The following LARP4B variants were observed in gnomAD, a reference collection of about 807,000 sequenced individuals.
LARP4B encodes la-related protein 4B.
In LARP4B, 12 loss-of-function variants were observed where a neutral mutation model predicts 89.8. The observed-to-expected ratio is 0.13, with a 90% CI of 0.09 to 0.22. LARP4B has a LOEUF of 0.22. LARP4B is among the 10% of genes least tolerant of loss of function. The probability of loss-of-function intolerance (pLI) is 1.00; values close to 1 mark genes in which losing one functional copy is unlikely to be tolerated. For synonymous variants in LARP4B, 367 were observed against 363.3 expected (o/e 1.01, Z -0.12); for missense variants, 757 against 947.7 (o/e 0.80, Z 2.64).
intron 1 of LARP4B, among the ~76,000 whole-genome samples, chr10:917,210 CAT>C (rs1008174608): frequency 2.6e-5 from 4 of 152,156 alleles, no homozygotes; most frequent in African/African-American, 9.6e-5. Context: ...TGATTCTTTT[CAT>C]GTTTTGTTTT....
the LARP4B span, among the ~76,000 whole-genome samples, chr10:962,374 T>C: frequency 6.6e-6 from 1 of 152,052 alleles, no homozygotes; most frequent in Non-Finnish European, 1.5e-5. Flanking sequence ...TTTAACCTTA[T>C]TACCCTCATA....
intron 11 of LARP4B, among the ~76,000 whole-genome samples, chr10:828,461 G>C (rs114160405): frequency 2.1e-3 from 320 of 152,236 alleles, no homozygotes; most frequent in African/African-American, 7.5e-3. Flanking sequence ...GTTTTCTCAA[G>C]TTCTCTCTGC....
chr10:890,388 T>C (rs1835979076), intron 1 of LARP4B, among the ~76,000 whole-genome samples: 1 of 152,236 alleles, frequency 6.6e-6, no homozygotes, highest in Admixed American at 6.5e-5. Flanking sequence ...AAATACGGGA[T>C]GTATGACAAA....
the LARP4B span, chr10:988,302 ACCT>A: frequency 1.6e-6 from 1 of 606,942 alleles, no homozygotes; most frequent in Non-Finnish European, 3.0e-6. Context: ...TCCGTGGCTG[ACCT>A]CCAAGCCGGG....
At chr10:956,391 G>A in the LARP4B span, among the ~76,000 whole-genome samples, 1 of 151,786 alleles carries the variant, frequency 6.6e-6, no homozygotes, top group Non-Finnish European at 1.5e-5. This position sits in a 1 kb window ranked among gnomAD's most constrained non-coding sequence, Gnocchi z 4.3. Context: ...TGTCCCCCAG[G>A]CTGGAGTGCA....
In LARP4B at chr10:919,539, C is replaced by T. The variant is rs536776394; in HGVS notation, c.-40+11889G>A. Among the ~76,000 whole-genome samples, 16 of 152,174 alleles carry T rather than the reference C, an allele frequency of 1.1e-4. No homozygotes were observed. The South Asian group carries it at 3.3e-3, about 32-fold the overall frequency. ...GCTTTCAATCCTCTGAATTACAAGT[C>T]CAATACATTGTTGAGGGTGGGAGTT... On this transcript the variant is annotated intron_variant, in intron 1 of 17. Coordinates refer to ENST00000316157, the MANE Select transcript of LARP4B (RefSeq NM_015155.3).
chr10:838,739 G>T (rs967775195), intron 7 of LARP4B, among the ~76,000 whole-genome samples: 4 of 152,184 alleles, frequency 2.6e-5, no homozygotes, highest in Non-Finnish European at 5.9e-5. Context: ...CTTAGCATAT[G>T]ATCTGGCAAT....
At chr10:903,760 A>G (rs962779616) in intron 1 of LARP4B, among the ~76,000 whole-genome samples, 1 of 152,212 alleles carries the variant, frequency 6.6e-6, no homozygotes, top group African/African-American at 2.4e-5. Flanking sequence ...CCAATTCATC[A>G]TCACAAAACT....
At chr10:913,112 C>T (rs185323514) in intron 1 of LARP4B, among the ~76,000 whole-genome samples, 1 of 152,106 alleles carries the variant, frequency 6.6e-6, no homozygotes, top group Middle Eastern at 3.4e-3. Context: ...AGTTCTCTGC[C>T]TTTGGGATGT....
the LARP4B span, among the ~76,000 whole-genome samples, chr10:974,124 A>G: frequency 2.0e-5 from 3 of 151,758 alleles, no homozygotes; most frequent in African/African-American, 7.3e-5. Flanking sequence ...CAAACATCAC[A>G]CCTTTTGTGC....
intron 13 of LARP4B, 172 bp from the exon 14 acceptor site, chr10:821,017 G>A: frequency 1.6e-6 from 1 of 614,016 alleles, no homozygotes; most frequent in Non-Finnish European, 2.8e-6. Flanking sequence ...AGCGTAAGCA[G>A]AACAACACAA....
rs148090139 is a variant in LARP4B at position 811,347 on chromosome 10, G to A, written c.*1579C>T. On this transcript the variant is annotated 3_prime_UTR_variant, in exon 18 of 18. Transcript: ENST00000316157. ...TCTGATTATTTACAACTGTACAAGCGAAGCACACTCCAAGTGCACGTATTT... is the reference window on the plus strand; with the variant it reads ...TCTGATTATTTACAACTGTACAAGCAAAGCACACTCCAAGTGCACGTATTT... 30 of 152,684 alleles carry A rather than the reference G, an allele frequency of 2.0e-4. No individual in the cohort carries two copies. Among genetic ancestry groups the A allele is most frequent in the African/African-American group, 5.8e-4 (24 of 41,540 alleles). 9.5% of individuals were successfully genotyped at this position (152,684 alleles called of 1,614,324 possible). A position where few individuals can be genotyped will look rare whatever the true frequency, so the allele number is the denominator to read the frequency against.
intron 4 of LARP4B, 37 bp downstream of exon 4, chr10:864,086 A>C (rs1228986511): frequency 1.2e-6 from 2 of 1,612,370 alleles, no homozygotes; most frequent in Admixed American, 1.7e-5. Flanking sequence ...CAGGCCTGAA[A>C]GCAGGGGGCT....
chr10:828,584 G>A (rs1300244728), intron 11 of LARP4B, among the ~76,000 whole-genome samples: 1 of 152,210 alleles, frequency 6.6e-6, no homozygotes, highest in Non-Finnish European at 1.5e-5. Flanking sequence ...TTAGTCCACA[G>A]CGAAACCCTG....
chr10:842,370 T>C (rs976198495), intron 7 of LARP4B, among the ~76,000 whole-genome samples: 6 of 152,074 alleles, frequency 3.9e-5, no homozygotes, highest in African/African-American at 1.4e-4. Context: ...GCTAATTTTT[T>C]GTATTTTAGT....
At chr10:887,356 T>C (rs1365926069) in intron 1 of LARP4B, among the ~76,000 whole-genome samples, 1 of 151,396 alleles carries the variant, frequency 6.6e-6, no homozygotes. Context: ...TGGACTCCAG[T>C]AACCATTTCA....
the LARP4B span, among the ~76,000 whole-genome samples, chr10:965,394 C>A: frequency 1.3e-5 from 2 of 152,154 alleles, no homozygotes; most frequent in African/African-American, 4.8e-5. Flanking sequence ...TTCCCCACCT[C>A]TGTGCGGCTC....
At chr10:826,798 G>A (rs189691620) in intron 11 of LARP4B, among the ~76,000 whole-genome samples, 1 of 152,278 alleles carries the variant, frequency 6.6e-6, no homozygotes, top group Non-Finnish European at 1.5e-5. Flanking sequence ...TCCTTGTTTG[G>A]AGGAAGAGAG....
At chr10:832,882 A>G (rs1371315932) in intron 8 of LARP4B, among the ~76,000 whole-genome samples, 1 of 152,242 alleles carries the variant, frequency 6.6e-6, no homozygotes, top group Non-Finnish European at 1.5e-5. Flanking sequence ...GTAAATGGCA[A>G]ATACTGAATA....
Sources: allele counts gnomAD v4.1 joint callset (sites outside exome capture counted in the v4.1 genomes callset), GRCh38; gene constraint gnomAD v4.1.1; non-coding constraint Gnocchi (gnomAD v3.1); transcripts MANE v1.5; gene names NCBI Gene and HGNC (gene_info 2026-07-23, HGNC 2026-07-21).